LRRC28: variants seen among roughly 807,000 people sequenced by gnomAD.
The protein encoded by LRRC28 is leucine rich repeat containing 28.
Under a neutral mutation model 45.7 loss-of-function variants are expected in LRRC28, and 39 were observed. That is an observed-to-expected ratio of 0.85 (90% CI 0.66 to 1.12). The LOEUF is 1.12. Among genes scored for constraint, LRRC28 ranks in the 50% most tolerant of loss-of-function variants. LRRC28 has a pLI of 0.00. For missense variants in LRRC28, 435 were observed against 438.5 expected, an observed-to-expected ratio of 0.99 and a Z score of 0.07; for synonymous variants, 206 against 178.8, an observed-to-expected ratio of 1.15 and a Z score of -1.22.
At chr15:99,351,310 T>C (rs143823382) in intron 6 of LRRC28, among the ~76,000 whole-genome samples, 3 of 152,292 alleles carry the variant, frequency 2.0e-5, no homozygotes, top group African/African-American at 7.2e-5. Flanking sequence ...TTGCCGGGAA[T>C]CTCCATCCGT....
At position 99,322,000 on chromosome 15, in the gene LRRC28, A is replaced by G. The variant is rs116248057; in HGVS notation, c.386-11923A>G. On this transcript the variant is annotated intron_variant, in intron 5 of 9. Coordinates refer to ENST00000301981, the MANE Select transcript of LRRC28 (RefSeq NM_144598.5). Reference sequence around the variant, plus strand: ...AGGCCTTTGTGAAAATGTGATGGTAACATTCTGAAACACAAGAAAGAGTCT... The same window carrying G: ...AGGCCTTTGTGAAAATGTGATGGTAGCATTCTGAAACACAAGAAAGAGTCT... 2.8e-4 allele frequency among the ~76,000 whole-genome samples: 42 copies of G among 152,348 alleles called. 1 individual carries two copies. Among genetic ancestry groups the G allele is most frequent in the African/African-American group, 9.1e-4 (38 of 41,568 alleles).
At chr15:99,333,723 T>G (rs1377902209) in intron 5 of LRRC28, 200 bp from the exon 6 acceptor site, 1 of 610,848 alleles carries the variant, frequency 1.6e-6, no homozygotes, top group Non-Finnish European at 2.9e-6. Flanking sequence ...ATTTAAGAAA[T>G]GTTGGCAGGG....
Position 99,322,218 on chromosome 15 carries a change from G to A in LRRC28, c.386-11705G>A, listed in dbSNP as rs118022705. Among the ~76,000 whole-genome samples, 450 of 152,280 alleles carry A rather than the reference G, an allele frequency of 3.0e-3. 1 individual carries two copies. Among genetic ancestry groups the A allele is most frequent in the Middle Eastern group, 0.01 (3 of 294 alleles). On this transcript the variant is annotated intron_variant, in intron 5 of 9. Coordinates refer to ENST00000301981, the MANE Select transcript of LRRC28 (RefSeq NM_144598.5). ...CCATGTTGCTAGTAAGATGGTGTTA[G>A]AGATTTTATTGAAGTGCAGCAGAAA... is the stretch of plus-strand genomic sequence containing the variant.
intron 6 of LRRC28, among the ~76,000 whole-genome samples, chr15:99,335,071 A>G (rs1029116945): frequency 9.9e-5 from 15 of 152,208 alleles, no homozygotes; most frequent in South Asian, 4.1e-4. Context: ...TATTTATAAA[A>G]TTAACAAAAT....
intron 9 of LRRC28, among the ~76,000 whole-genome samples, chr15:99,371,799 A>G (rs1222532854): frequency 6.6e-6 from 1 of 152,206 alleles, no homozygotes; most frequent in Admixed American, 6.5e-5. Context: ...ACAACATTCA[A>G]AAATTATTTG....
At chr15:99,306,957 C>G (rs1285076764) in intron 5 of LRRC28, among the ~76,000 whole-genome samples, 1 of 152,202 alleles carries the variant, frequency 6.6e-6, no homozygotes, top group Non-Finnish European at 1.5e-5. Flanking sequence ...TGGAGAAGAG[C>G]CTTCAGCCCT....
At chr15:99,306,306 T>C (rs1170070543) in intron 5 of LRRC28, among the ~76,000 whole-genome samples, 2 of 152,192 alleles carry the variant, frequency 1.3e-5, no homozygotes, top group African/African-American at 4.8e-5. Context: ...CTTAAGCAAA[T>C]GGACCGATGG....
rs536905163 is a variant in LRRC28, at chr15:99,312,625, TTGTA to T, written c.386-21294_386-21291del. On this transcript the variant is annotated intron_variant, in intron 5 of 9. Transcript: ENST00000301981. ...TATTATCAGTTATTATGTACAGTAT[TTGTA>T]TGTGCTGTCCTTCATACAACTGGCA... 7.4e-4 allele frequency among the ~76,000 whole-genome samples: 113 copies of T among 152,326 alleles called. 1 individual carries two copies. Among genetic ancestry groups the T allele is most frequent in the African/African-American group, 2.6e-3 (108 of 41,582 alleles).
chr15:99,258,167 G>A, intron 2 of LRRC28: 1 of 1,612,556 alleles, frequency 6.2e-7, no homozygotes, highest in East Asian at 2.2e-5. Context: ...TGAAGCACAG[G>A]AAGATGGCCA....
intron 5 of LRRC28, among the ~76,000 whole-genome samples, chr15:99,318,029 AGATTGG>A (rs1955658604): frequency 6.6e-6 from 1 of 152,284 alleles, no homozygotes; most frequent in South Asian, 2.1e-4. Context: ...ATTTTTGCAA[AGATTGG>A]GAATAAACAG....
intron 6 of LRRC28, among the ~76,000 whole-genome samples, chr15:99,338,639 T>A (rs1479035320): frequency 6.6e-6 from 1 of 152,220 alleles, no homozygotes; most frequent in Non-Finnish European, 1.5e-5. Context: ...GGGGAGCCAC[T>A]TAATGAATTC....
intron 4 of LRRC28, 109 bp downstream of exon 4, chr15:99,287,403 CT>C: frequency 1.3e-6 from 1 of 763,668 alleles, no homozygotes; most frequent in Non-Finnish European, 2.0e-6. Context: ...AGCTTCAAAA[CT>C]TTTTTCTTCT....
intron 9 of LRRC28, among the ~76,000 whole-genome samples, chr15:99,370,001 A>G (rs991559469): frequency 6.6e-6 from 1 of 152,172 alleles, no homozygotes; most frequent in Non-Finnish European, 1.5e-5. Context: ...AAGTTGAGCT[A>G]TTTTACTTTT....
intron 7 of LRRC28, among the ~76,000 whole-genome samples, chr15:99,353,178 C>T (rs1054196678): frequency 3.3e-5 from 5 of 152,188 alleles, no homozygotes; most frequent in Admixed American, 3.3e-4. Flanking sequence ...CACTCAACCA[C>T]CAGGACCCAC....
At chr15:99,370,764 T>TGAGCAAAGA (rs1957463382) in intron 9 of LRRC28, among the ~76,000 whole-genome samples, 1 of 152,114 alleles carries the variant, frequency 6.6e-6, no homozygotes, top group East Asian at 1.9e-4. Flanking sequence ...CAATTATAGG[T>TGAGCAAAGA]GTGAATATAT....
intron 2 of LRRC28, chr15:99,258,914 A>G (rs1442255339): frequency 8.3e-6 from 6 of 721,860 alleles, no homozygotes; most frequent in Middle Eastern, 4.8e-4. Flanking sequence ...GAATTTTGTC[A>G]AGGGTGTGGT....
chr15:99,267,141 T>C lies in LRRC28; in HGVS notation c.169-9435T>C, dbSNP rs139701766. 4.2e-3 allele frequency among the ~76,000 whole-genome samples: 642 copies of C among 152,324 alleles called. 2 individuals carry two copies. Among genetic ancestry groups the C allele is most frequent in the African/African-American group, 0.015 (622 of 41,562 alleles). On this transcript the variant is annotated intron_variant, in intron 2 of 9. Coordinates refer to ENST00000301981, the MANE Select transcript of LRRC28 (RefSeq NM_144598.5). The stretch of plus-strand genomic sequence containing the variant: ...TTTATCAAGCTTTCTAATCAGCTAG[T>C]CTAAATATTTTGATTTACAGCGATG...
intron 2 of LRRC28, among the ~76,000 whole-genome samples, chr15:99,260,594 A>G (rs896047627): frequency 3.9e-5 from 6 of 152,242 alleles, no homozygotes; most frequent in Non-Finnish European, 5.9e-5. Flanking sequence ...AAGCCCACCC[A>G]TTGCCTGATT....
At chr15:99,280,538 A>G (rs927784087) in intron 3 of LRRC28, among the ~76,000 whole-genome samples, 1 of 151,814 alleles carries the variant, frequency 6.6e-6, no homozygotes, top group Non-Finnish European at 1.5e-5. Context: ...GATATTCATT[A>G]TTCCCTGGCG....
Sources: allele counts gnomAD v4.1 joint callset (sites outside exome capture counted in the v4.1 genomes callset), GRCh38; gene constraint gnomAD v4.1.1; transcripts MANE v1.5; gene names NCBI Gene and HGNC (gene_info 2026-07-23, HGNC 2026-07-21).